PRKRIP1: variants seen among roughly 807,000 people sequenced by gnomAD.
PRKRIP1 encodes PRKR-interacting protein 1.
In PRKRIP1, 29 loss-of-function variants were observed where a neutral mutation model predicts 29.3. That is an observed-to-expected ratio of 0.99 (90% CI 0.74 to 1.35). The LOEUF (loss-of-function observed/expected upper bound fraction) is 1.35. PRKRIP1 is among the 40% of genes most tolerant of loss of function. The pLI is 0.00. For missense variants in PRKRIP1, 247 were observed against 236.8 expected, an observed-to-expected ratio of 1.04 and a Z score of -0.28; for synonymous variants, 90 against 85.1, an observed-to-expected ratio of 1.06 and a Z score of -0.32.
chr7:102,413,019 C>T (rs1456356576), intron 5 of PRKRIP1, among the ~76,000 whole-genome samples: 4 of 152,180 alleles, frequency 2.6e-5, no homozygotes, highest in Admixed American at 2.6e-4. Context: ...CCAGGGCGCC[C>T]TTAGGGGATT....
At chr7:102,419,183 G>A (rs1796627501) in intron 5 of PRKRIP1, among the ~76,000 whole-genome samples, 1 of 152,134 alleles carries the variant, frequency 6.6e-6, no homozygotes, top group South Asian at 2.1e-4. Flanking sequence ...GGAGGCTGAG[G>A]TGGGCAGATC....
At chr7:102,408,898 G>A (rs1217063206) in intron 5 of PRKRIP1, among the ~76,000 whole-genome samples, 1 of 151,950 alleles carries the variant, frequency 6.6e-6, no homozygotes, top group Non-Finnish European at 1.5e-5. Context: ...AACAGGCCAG[G>A]CGTGGTGGCT....
At chr7:102,400,501 A>G (rs941045720) in intron 3 of PRKRIP1, among the ~76,000 whole-genome samples, 16 of 152,116 alleles carry the variant, frequency 1.1e-4, no homozygotes, top group African/African-American at 3.6e-4. Flanking sequence ...AGCAGGTACA[A>G]TTAGTTTGTG....
intron 5 of PRKRIP1, among the ~76,000 whole-genome samples, chr7:102,420,459 C>CT (rs1554573622): frequency 6.6e-6 from 1 of 152,116 alleles, no homozygotes; most frequent in Non-Finnish European, 1.5e-5. Context: ...GTGACAGTAT[C>CT]TTTTTAATTC....
intron 5 of PRKRIP1, among the ~76,000 whole-genome samples, chr7:102,421,654 G>A (rs1412901373): frequency 5.9e-5 from 9 of 152,058 alleles, no homozygotes; most frequent in Admixed American, 2.6e-4. Context: ...AAAATTAGCC[G>A]GGTGTAGTGT....
At chr7:102,410,410 A>G (rs1181455542) in intron 5 of PRKRIP1, among the ~76,000 whole-genome samples, 1 of 152,148 alleles carries the variant, frequency 6.6e-6, no homozygotes, top group Non-Finnish European at 1.5e-5. Flanking sequence ...TCAACTCAAT[A>G]CTGAGTCAGA....
At chr7:102,398,165 T>C (rs1214054342) in intron 2 of PRKRIP1, among the ~76,000 whole-genome samples, 2 of 152,246 alleles carry the variant, frequency 1.3e-5, no homozygotes, top group Non-Finnish European at 2.9e-5. Flanking sequence ...GGGGATATAG[T>C]TGCTTTTATT....
At chr7:102,410,365 C>T (rs782256884) in intron 5 of PRKRIP1, among the ~76,000 whole-genome samples, 5 of 152,246 alleles carry the variant, frequency 3.3e-5, no homozygotes, top group South Asian at 2.1e-4. Context: ...TTTTGACAAA[C>T]GCCCAGGGGA....
At chr7:102,424,100 C>T (rs2133208200) in intron 5 of PRKRIP1, among the ~76,000 whole-genome samples, 1 of 152,382 alleles carries the variant, frequency 6.6e-6, no homozygotes, top group Non-Finnish European at 1.5e-5. Context: ...TTCTGCGGTC[C>T]CATCCTGGGT....
chr7:102,425,053 C>T lies in PRKRIP1; in HGVS notation c.497C>T (p.Ala166Val), dbSNP rs140002963. ...AAGGAGCAGGGGTCCAGCAGCTCTG[C>T]GGAGGCATCTGGAACAGAGGAGGAG... ...QPKEQGSSSS[A>V]EASGTEEEEE... is the part of the protein sequence containing the mutation. Residue 166 changes from alanine (A) to valine (V), a missense_variant, in exon 6 of 6, where the codon GCG becomes GTG. Ala to Val is a moderately conservative substitution (Grantham distance 64). Transcript: ENST00000397912. 80 of 1,613,650 alleles carry T rather than the reference C, an allele frequency of 5.0e-5. No homozygotes were observed. Among genetic ancestry groups the T allele is most frequent in the Non-Finnish European group, 6.4e-5 (75 of 1,179,946 alleles).
At chr7:102,413,171 C>T (rs1796438341) in intron 5 of PRKRIP1, among the ~76,000 whole-genome samples, 4 of 152,262 alleles carry the variant, frequency 2.6e-5, no homozygotes, top group Admixed American at 2.6e-4. Context: ...CTCCCGAGGC[C>T]AGGAGCACCC....
At chr7:102,411,507 C>T (rs933877724) in intron 5 of PRKRIP1, among the ~76,000 whole-genome samples, 1 of 152,068 alleles carries the variant, frequency 6.6e-6, no homozygotes, top group South Asian at 2.1e-4. Context: ...GCCTCAGCCT[C>T]CCTAATAACT....
chr7:102,403,061 G>C (rs1554571368), intron 3 of PRKRIP1, among the ~76,000 whole-genome samples: 1 of 152,072 alleles, frequency 6.6e-6, no homozygotes, highest in African/African-American at 2.4e-5. Context: ...TTTTAGTAGA[G>C]ACAGGGTTTC....
intron 5 of PRKRIP1, among the ~76,000 whole-genome samples, chr7:102,423,832 A>G (rs868907869): frequency 1.3e-5 from 2 of 152,116 alleles, no homozygotes; most frequent in Non-Finnish European, 2.9e-5. Context: ...ATGTGTCACC[A>G]GGCCATTTTT....
intron 5 of PRKRIP1, chr7:102,423,017 CG>C (rs1295760114): frequency 5.5e-6 from 2 of 363,776 alleles, no homozygotes; most frequent in African/African-American, 4.3e-5. Context: ...TTTTCAGCCA[CG>C]GGGAATGCTT....
intron 5 of PRKRIP1, chr7:102,423,514 G>C: frequency 4.6e-6 from 1 of 218,980 alleles, no homozygotes; most frequent in Admixed American, 5.3e-5. Context: ...ATCTCGAGCA[G>C]CAAGTTCCTC....
At position 102,425,013 on chromosome 7, in the gene PRKRIP1, G is replaced by C; in HGVS notation, c.458-1G>C. On this transcript the variant is annotated splice_acceptor_variant, in intron 5 of 5. Transcript: ENST00000397912. LOFTEE classifies it high-confidence loss of function. ...GTAATTTGAATGTCGTGTGGTTACA[G>C]GACCCGGTCAGCCCAAGGAGCAGGG... 6.2e-7 allele frequency: 1 copy of C among 1,611,636 alleles called. No homozygotes were observed. The highest frequency in any genetic ancestry group is 8.5e-7 in the Non-Finnish European group (1 of 1,179,256).
chr7:102,405,170 G>T (rs548645126), intron 4 of PRKRIP1, among the ~76,000 whole-genome samples: 6 of 152,078 alleles, frequency 3.9e-5, no homozygotes, highest in African/African-American at 7.2e-5. Flanking sequence ...CAGGTGATCC[G>T]CCTGCTTCGG....
chr7:102,411,901 G>T (rs1796394404), intron 5 of PRKRIP1, among the ~76,000 whole-genome samples: 1 of 150,866 alleles, frequency 6.6e-6, no homozygotes, highest in Admixed American at 6.6e-5. Flanking sequence ...TTTCCCTAAT[G>T]ATTTGTGATG....
Sources: allele counts gnomAD v4.1 joint callset (sites outside exome capture counted in the v4.1 genomes callset), GRCh38; gene constraint gnomAD v4.1.1; transcripts MANE v1.5; gene names NCBI Gene and HGNC (gene_info 2026-07-23, HGNC 2026-07-21).